CNTNAP2: variants seen among roughly 807,000 people sequenced by gnomAD.
CNTNAP2 encodes contactin associated protein 2.
Under a neutral mutation model 155.2 loss-of-function variants are expected in CNTNAP2, and 98 were observed. The observed-to-expected ratio is 0.63, with a 90% CI of 0.54 to 0.75. The LOEUF is 0.75. CNTNAP2 is among the 30% of genes least tolerant of loss of function. The probability of loss-of-function intolerance (pLI) is 0.00; values close to 1 mark genes in which losing one functional copy is unlikely to be tolerated. For synonymous variants in CNTNAP2, 651 were observed against 631.2 expected (o/e 1.03, Z -0.47); for missense variants, 1,727 against 1,688.1 (o/e 1.02, Z -0.40).
At chr7:147,090,979 A>G (rs1448935867) in intron 4 of CNTNAP2, among the ~76,000 whole-genome samples, 1 of 152,156 alleles carries the variant, frequency 6.6e-6, no homozygotes, top group Non-Finnish European at 1.5e-5. Context: ...AAAATTAAAA[A>G]TAAATGAAAA....
At chr7:147,261,606 G>T (rs1804467354) in intron 8 of CNTNAP2, among the ~76,000 whole-genome samples, 1 of 151,038 alleles carries the variant, frequency 6.6e-6, no homozygotes, top group African/African-American at 2.4e-5. Flanking sequence ...GCAAGTTTTT[G>T]ATCTGTAGGT....
intron 3 of CNTNAP2, among the ~76,000 whole-genome samples, chr7:146,899,382 C>A (rs564133357): frequency 9.9e-4 from 150 of 152,260 alleles, no homozygotes; most frequent in African/African-American, 3.4e-3. Flanking sequence ...CTGTCCTCAG[C>A]ACATTCCAGG....
chr7:147,038,751 A>G (rs1376678153), intron 3 of CNTNAP2, among the ~76,000 whole-genome samples: 2 of 152,110 alleles, frequency 1.3e-5, no homozygotes, highest in African/African-American at 4.8e-5. Flanking sequence ...ATCATTTTGT[A>G]TTTTACATTA....
At chr7:147,659,973 C>T (rs1383495465) in intron 13 of CNTNAP2, among the ~76,000 whole-genome samples, 2 of 152,184 alleles carry the variant, frequency 1.3e-5, no homozygotes, top group African/African-American at 4.8e-5. Flanking sequence ...TTAGTTCTCT[C>T]AAAAGCCCAC....
intron 1 of CNTNAP2, among the ~76,000 whole-genome samples, chr7:146,527,365 C>A (rs1453854593): frequency 3.9e-5 from 6 of 152,058 alleles, no homozygotes; most frequent in Non-Finnish European, 1.5e-5. Context: ...AATTTTTATT[C>A]AATACCTGTT....
chr7:147,744,155 C>T (rs911481277), intron 13 of CNTNAP2, among the ~76,000 whole-genome samples: 3 of 152,162 alleles, frequency 2.0e-5, no homozygotes, highest in Non-Finnish European at 4.4e-5. Context: ...ATCACTGAGG[C>T]TAGGAGATGC....
intron 1 of CNTNAP2, among the ~76,000 whole-genome samples, chr7:146,770,315 T>TGTAC (rs1491213690): frequency 1.7e-5 from 2 of 119,580 alleles, no homozygotes; most frequent in African/African-American, 7.2e-5. Flanking sequence ...TATGTGTGTG[T>TGTAC]ATACACACAC....
chr7:147,148,872 G>T (rs187567475), intron 8 of CNTNAP2, among the ~76,000 whole-genome samples: 457 of 152,316 alleles, frequency 3.0e-3, no homozygotes, highest in African/African-American at 0.011. Context: ...CCTCCAGGTG[G>T]GTTCATGGTC....
intron 11 of CNTNAP2, among the ~76,000 whole-genome samples, chr7:147,497,336 T>C (rs1798726937): frequency 6.6e-6 from 1 of 152,188 alleles, no homozygotes; most frequent in Admixed American, 6.5e-5. Flanking sequence ...ATTCTTGGCA[T>C]CACGGATGCC....
At chr7:148,342,303 C>T (rs1015450765) in intron 21 of CNTNAP2, among the ~76,000 whole-genome samples, 1 of 152,094 alleles carries the variant, frequency 6.6e-6, no homozygotes, top group Non-Finnish European at 1.5e-5. Flanking sequence ...AAACTGGCCT[C>T]GAATTTATTT....
intron 11 of CNTNAP2, among the ~76,000 whole-genome samples, chr7:147,508,246 C>A (rs1358573691): frequency 6.6e-6 from 1 of 152,114 alleles, no homozygotes; most frequent in Non-Finnish European, 1.5e-5. Context: ...TATTGAAAAT[C>A]AACTTATTCT....
At chr7:146,854,881 G>T (rs552491510) in intron 3 of CNTNAP2, among the ~76,000 whole-genome samples, 3 of 152,016 alleles carry the variant, frequency 2.0e-5, no homozygotes, top group African/African-American at 7.2e-5. Context: ...TATTATTTTT[G>T]TTGTTGTTGT....
At chr7:148,187,570 A>G (rs2972100) in intron 18 of CNTNAP2, among the ~76,000 whole-genome samples, 33,404 of 152,178 alleles carry the variant, frequency 0.22, 3,890 homozygotes, top group African/African-American at 0.28. Flanking sequence ...ACAATTTTTT[A>G]AAACTCGACA....
chr7:147,249,774 T>G lies in CNTNAP2; in HGVS notation c.1349-50367T>G, dbSNP rs564753318. On this transcript the variant is annotated intron_variant, in intron 8 of 23. Transcript: ENST00000361727. The stretch of plus-strand genomic sequence containing the variant: ...TGATTGAGTCCAGTTGTGATATAAC[T>G]TTGGGCAGTAATTTTAGTCAATTGC... 5.2e-4 allele frequency among the ~76,000 whole-genome samples: 79 copies of G among 152,216 alleles called. 1 individual carries two copies. In the South Asian group the frequency reaches 0.012, roughly 24 times the overall value.
At chr7:148,083,744 G>A (rs1166372597) in intron 15 of CNTNAP2, among the ~76,000 whole-genome samples, 1 of 152,176 alleles carries the variant, frequency 6.6e-6, no homozygotes, top group Non-Finnish European at 1.5e-5. Flanking sequence ...GGGGACGCAG[G>A]AGTCTTTGGA....
At chr7:146,780,153 A>G (rs1394036807) in intron 2 of CNTNAP2, among the ~76,000 whole-genome samples, 1 of 150,846 alleles carries the variant, frequency 6.6e-6, no homozygotes. Context: ...AAGTGTTCCT[A>G]TTTCTCCACA....
At chr7:147,045,394 A>C (rs1799338132) in intron 4 of CNTNAP2, among the ~76,000 whole-genome samples, 1 of 152,204 alleles carries the variant, frequency 6.6e-6, no homozygotes, top group African/African-American at 2.4e-5. Context: ...TCAAAATATT[A>C]GCTATAATAG....
intron 1 of CNTNAP2, among the ~76,000 whole-genome samples, chr7:146,212,553 G>C (rs929255008): frequency 1.3e-5 from 2 of 152,166 alleles, no homozygotes. Flanking sequence ...ATTGACCAGA[G>C]TATTTTGCCA....
At chr7:146,284,476 C>T (rs149661411) in intron 1 of CNTNAP2, among the ~76,000 whole-genome samples, 47 of 152,074 alleles carry the variant, frequency 3.1e-4, no homozygotes, top group African/African-American at 9.4e-4. Context: ...TGTCCATGGG[C>T]GTAATTAATA....
Sources: allele counts gnomAD v4.1 joint callset (sites outside exome capture counted in the v4.1 genomes callset), GRCh38; gene constraint gnomAD v4.1.1; transcripts MANE v1.5; gene names NCBI Gene and HGNC (gene_info 2026-07-23, HGNC 2026-07-21).